Variants in APBA1 observed in about 807,000 individuals in gnomAD.
The protein encoded by APBA1 is amyloid-beta A4 precursor protein-binding family A member 1.
A neutral mutation model predicts 86.6 loss-of-function variants in APBA1; 55 were observed. The ratio of observed to expected loss-of-function variants is 0.64; its 90% CI spans 0.51 to 0.80. The LOEUF (loss-of-function observed/expected upper bound fraction) is 0.80, where lower values mean the gene tolerates loss of function less well. Among genes scored for constraint, APBA1 ranks in the 30% least tolerant of loss-of-function variants. The probability of loss-of-function intolerance (pLI) is 0.00; values close to 1 mark genes in which losing one functional copy is unlikely to be tolerated. For missense variants in APBA1, 1,090 were observed against 1,183.0 expected (o/e 0.92, Z 1.15); for synonymous variants, 511 against 493.9 (o/e 1.03, Z -0.46).
chr9:69,504,261 C>CT (rs1174704077), intron 2 of APBA1, among the ~76,000 whole-genome samples: 1 of 151,962 alleles, frequency 6.6e-6, no homozygotes, highest in East Asian at 1.9e-4. Flanking sequence ...TTCATGTGTT[C>CT]TTTGGCTCCA....
At chr9:69,552,706 G>A (rs1181922924) in intron 1 of APBA1, among the ~76,000 whole-genome samples, 1 of 152,152 alleles carries the variant, frequency 6.6e-6, no homozygotes, top group Non-Finnish European at 1.5e-5. Flanking sequence ...TAAAAAAGTT[G>A]AGATCCAATT....
chr9:69,515,948 A>T, intron 2 of APBA1, 63 bp downstream of exon 2: 2 of 1,460,530 alleles, frequency 1.4e-6, no homozygotes. Context: ...ACACAAGGCC[A>T]TGGGGCGCCA....
At chr9:69,653,059 C>T (rs1823538978) in intron 1 of APBA1, among the ~76,000 whole-genome samples, 1 of 149,474 alleles carries the variant, frequency 6.7e-6, no homozygotes, top group African/African-American at 2.4e-5. Flanking sequence ...CTACAAGAAA[C>T]TCACTTCACC....
At chr9:69,473,869 A>G (rs1312292575) in intron 3 of APBA1, among the ~76,000 whole-genome samples, 1 of 152,190 alleles carries the variant, frequency 6.6e-6, no homozygotes, top group Non-Finnish European at 1.5e-5. Flanking sequence ...GTTTTGTGAA[A>G]TGAAAGAATC....
chr9:69,434,400 G>C (rs367856024), intron 11 of APBA1, among the ~76,000 whole-genome samples: 7 of 151,164 alleles, frequency 4.6e-5, no homozygotes, highest in East Asian at 1.9e-4. Context: ...TTCCTTCAGG[G>C]AACAAACTGG....
intron 2 of APBA1, among the ~76,000 whole-genome samples, chr9:69,512,428 C>T (rs1295315451): frequency 3.3e-5 from 5 of 152,136 alleles, no homozygotes; most frequent in Non-Finnish European, 5.9e-5. Context: ...CAATTAGCAA[C>T]GGTGGCTGAC....
intron 1 of APBA1, among the ~76,000 whole-genome samples, chr9:69,567,496 C>T (rs1395515417): frequency 2.0e-5 from 3 of 151,884 alleles, no homozygotes; most frequent in Non-Finnish European, 2.9e-5. Flanking sequence ...CATATGTATA[C>T]ATGTGCCATG....
intron 1 of APBA1, among the ~76,000 whole-genome samples, chr9:69,532,240 C>T (rs1836445372): frequency 6.6e-6 from 1 of 152,056 alleles, no homozygotes; most frequent in African/African-American, 2.4e-5. Flanking sequence ...ATCTATGCTG[C>T]TATACAAAAT....
intron 1 of APBA1, among the ~76,000 whole-genome samples, chr9:69,602,240 C>A (rs1564088947): frequency 1.3e-5 from 2 of 152,150 alleles, no homozygotes; most frequent in Non-Finnish European, 2.9e-5. Context: ...ACCATCACCA[C>A]TAACTCAATC....
At chr9:69,545,585 GTTC>G (rs1836685136) in intron 1 of APBA1, among the ~76,000 whole-genome samples, 1 of 152,118 alleles carries the variant, frequency 6.6e-6, no homozygotes, top group Non-Finnish European at 1.5e-5. Flanking sequence ...GGATTTTTTT[GTTC>G]TTATTATTTA....
At chr9:69,439,432 G>A (rs903023654) in intron 11 of APBA1, among the ~76,000 whole-genome samples, 26 of 151,888 alleles carry the variant, frequency 1.7e-4, no homozygotes, top group Non-Finnish European at 3.4e-4. Context: ...ACGTAGATTT[G>A]GTCTTTTCAC....
intron 8 of APBA1, among the ~76,000 whole-genome samples, chr9:69,455,194 A>G (rs1835075054): frequency 6.6e-6 from 1 of 152,188 alleles, no homozygotes; most frequent in African/African-American, 2.4e-5. Flanking sequence ...ATCAGACGCC[A>G]TCTTCTCTTC....
intron 5 of APBA1, among the ~76,000 whole-genome samples, chr9:69,458,951 C>T (rs931668912): frequency 1.3e-5 from 2 of 152,114 alleles, no homozygotes; most frequent in South Asian, 4.1e-4. Context: ...GGATTATAGG[C>T]ATGCGCCACC....
intron 10 of APBA1, among the ~76,000 whole-genome samples, chr9:69,447,564 G>A (rs1319876574): frequency 6.6e-6 from 1 of 152,094 alleles, no homozygotes; most frequent in Non-Finnish European, 1.5e-5. Context: ...TACATTTTGG[G>A]GGATGAAGAT....
At chr9:69,547,022 T>C (rs989245533) in intron 1 of APBA1, among the ~76,000 whole-genome samples, 7 of 152,264 alleles carry the variant, frequency 4.6e-5, no homozygotes, top group Non-Finnish European at 8.8e-5. Context: ...GAAAGTTCCT[T>C]TTTCACAGGT....
At chr9:69,658,315 T>TC (rs1491375753) in intron 1 of APBA1, among the ~76,000 whole-genome samples, 7 of 83,004 alleles carry the variant, frequency 8.4e-5, no homozygotes, top group Admixed American at 3.4e-4. Context: ...TCTTTCTTTC[T>TC]TTCTTTCTTT....
chr9:69,513,023 T>C (rs577776998), intron 2 of APBA1, among the ~76,000 whole-genome samples: 174 of 152,328 alleles, frequency 1.1e-3, no homozygotes, highest in African/African-American at 3.8e-3. Context: ...GTCTTTCCTA[T>C]AAATATGGCA....
chr9:69,642,602 G>T (rs1327892670), intron 1 of APBA1, among the ~76,000 whole-genome samples: 1 of 151,872 alleles, frequency 6.6e-6, no homozygotes. Flanking sequence ...CAGATACTTG[G>T]TCAAATATCA....
chr9:69,445,143 A>C (rs943291217), intron 10 of APBA1, among the ~76,000 whole-genome samples: 5 of 152,130 alleles, frequency 3.3e-5, no homozygotes, highest in African/African-American at 1.2e-4. Flanking sequence ...GAATGACTCT[A>C]TTTTCTCAAT....
Sources: gnomAD v4.1 joint callset for allele counts (sites outside exome capture counted in the v4.1 genomes callset) on GRCh38, gnomAD v4.1.1 for gene constraint, MANE v1.5 for transcripts, NCBI Gene and HGNC (gene_info 2026-07-23, HGNC 2026-07-21) for gene names.